The following GAREM1 variants were observed in gnomAD, a reference collection of about 807,000 sequenced individuals.
The protein encoded by GAREM1 is GRB2 associated regulator of MAPK1 subtype 1.
Under a neutral mutation model 71.3 loss-of-function variants are expected in GAREM1, and 26 were observed. That is an observed-to-expected ratio of 0.36 (90% confidence interval 0.27 to 0.51). The LOEUF (loss-of-function observed/expected upper bound fraction) is 0.51. GAREM1 is among the 20% of genes least tolerant of loss of function. The probability of loss-of-function intolerance (pLI) is 0.95; values close to 1 mark genes in which losing one functional copy is unlikely to be tolerated. For synonymous variants in GAREM1, 440 were observed against 433.2 expected (o/e 1.02, Z -0.20); for missense variants, 1,026 against 1,103.1 (o/e 0.93, Z 0.99).
chr18:32,275,095 A>G lies in GAREM1; in HGVS notation c.1567-4712T>C, dbSNP rs146608218. Among the ~76,000 whole-genome samples the G allele has an allele frequency of 1.6e-4, 25 of 152,292 alleles. No homozygotes were observed. The East Asian group carries it at 4.6e-3, about 28-fold the overall frequency. The stretch of plus-strand genomic sequence containing the variant: ...GTGACCCTGAGTCAATCTAGGGGAA[A>G]AAAAGGCACCAGAAGACCTGCCACA... On this transcript the variant is annotated intron_variant, in intron 4 of 5. Transcript: ENST00000269209.
intron 2 of GAREM1, among the ~76,000 whole-genome samples, chr18:32,355,333 A>G (rs2047793742): frequency 6.6e-6 from 1 of 152,212 alleles, no homozygotes; most frequent in East Asian, 1.9e-4. Context: ...GCTGCCTAGA[A>G]CCCTATCTAT....
rs2047001740 is a variant in GAREM1, at chr18:32,285,288, G to A, written c.1566+1743C>T. 2.0e-5 allele frequency among the ~76,000 whole-genome samples: 3 copies of A among 152,310 alleles called. No homozygotes were observed. The South Asian group carries it at 6.2e-4, about 32-fold the overall frequency. ...CAAGCCCTGCAACAGAGGGCCAGAGGTGGGTCCTCTCTCAGGAAAGCTCTG... is the reference window on the plus strand; with the variant it reads ...CAAGCCCTGCAACAGAGGGCCAGAGATGGGTCCTCTCTCAGGAAAGCTCTG... On this transcript the variant is annotated intron_variant, in intron 4 of 5. Coordinates refer to ENST00000269209, the MANE Select transcript of GAREM1 (RefSeq NM_001242409.2).
At chr18:32,314,812 C>T (rs1383799947) in intron 2 of GAREM1, among the ~76,000 whole-genome samples, 2 of 152,076 alleles carry the variant, frequency 1.3e-5, no homozygotes, top group Non-Finnish European at 2.9e-5. Flanking sequence ...TGGTCTCAAA[C>T]TCCTGACCTC....
At position 32,470,375 on chromosome 18, in the gene GAREM1, C is replaced by T; in HGVS notation, c.54G>A (p.Ser18=). 1 of 1,554,120 alleles carries T rather than the reference C, an allele frequency of 6.4e-7. No individual in the cohort carries two copies. The highest frequency in any genetic ancestry group is 1.8e-5 in the Admixed American group (1 of 54,466). The change falls in exon 1 of 6, where the codon TCG becomes TCA. Residue 18 remains serine (S), a synonymous_variant. Transcript: ENST00000269209. This position sits in a 1 kb window ranked among gnomAD's most constrained non-coding sequence, Gnocchi z 4.4. ...GCSLKDVKWS[S]VAVPLDLLVS... ...CCAGGAGGTCGAGCGGCACGGCCACCGAGCTCCACTTCACATCCTTGAGGC... is the reference window on the plus strand; with the variant it reads ...CCAGGAGGTCGAGCGGCACGGCCACTGAGCTCCACTTCACATCCTTGAGGC...
chr18:32,360,062 G>A (rs1257404205), intron 2 of GAREM1, among the ~76,000 whole-genome samples: 1 of 151,982 alleles, frequency 6.6e-6, no homozygotes, highest in Non-Finnish European at 1.5e-5. Context: ...TCCTCATGGA[G>A]ACATTCTCTA....
intron 2 of GAREM1, among the ~76,000 whole-genome samples, chr18:32,368,769 G>A (rs2047950123): frequency 6.6e-6 from 1 of 151,870 alleles, no homozygotes; most frequent in African/African-American, 2.4e-5. Context: ...TCTCACACAC[G>A]CAACATGAAT....
In GAREM1 at chr18:32,390,060, A is replaced by G. The variant is rs150865340; in HGVS notation, c.262+2835T>C. ...CAGGTACAAGCCTGTAGTGCCAGCT[A>G]CTCAAGAGGCTGAGGTGGGAGGATC... On this transcript the variant is annotated intron_variant, in intron 2 of 5. Transcript: ENST00000269209. 2.0e-4 allele frequency among the ~76,000 whole-genome samples: 30 copies of G among 152,284 alleles called. No homozygotes were observed. The East Asian group carries it at 5.6e-3, about 28-fold the overall frequency.
intron 4 of GAREM1, 105 bp from the exon 5 acceptor site, chr18:32,270,488 G>A: frequency 1.1e-6 from 1 of 929,600 alleles, no homozygotes. Flanking sequence ...AACCGTAACA[G>A]CAGGGTGTAA....
At chr18:32,310,415 T>C in intron 2 of GAREM1, 92 bp from the exon 3 acceptor site, 2 of 1,291,186 alleles carry the variant, frequency 1.5e-6, no homozygotes, top group Non-Finnish European at 2.1e-6. Context: ...ACCCCAGCCC[T>C]TTTTTTGTCA....
chr18:32,412,296 T>A, intron 1 of GAREM1: 1 of 1,590,626 alleles, frequency 6.3e-7, no homozygotes, highest in South Asian at 1.1e-5. Flanking sequence ...TGCAAAGTAC[T>A]GGCCTCCACC....
At chr18:32,357,542 C>T (rs369633392) in intron 2 of GAREM1, among the ~76,000 whole-genome samples, 6 of 152,092 alleles carry the variant, frequency 3.9e-5, no homozygotes, top group African/African-American at 1.4e-4. Context: ...GCACAGGACC[C>T]GAAGGGATAG....
At chr18:32,430,983 A>G (rs1260130850) in intron 1 of GAREM1, among the ~76,000 whole-genome samples, 1 of 152,216 alleles carries the variant, frequency 6.6e-6, no homozygotes, top group Non-Finnish European at 1.5e-5. Context: ...AAGGAGTTCA[A>G]CAGAGTGATC....
At chr18:32,411,240 A>C (rs1360721752) in intron 1 of GAREM1, among the ~76,000 whole-genome samples, 1 of 152,226 alleles carries the variant, frequency 6.6e-6, no homozygotes, top group African/African-American at 2.4e-5. Context: ...AATTCAACTA[A>C]CAAAATTAAG....
intron 2 of GAREM1, among the ~76,000 whole-genome samples, chr18:32,328,875 A>G (rs1270964332): frequency 6.6e-6 from 1 of 152,230 alleles, no homozygotes; most frequent in Non-Finnish European, 1.5e-5. Flanking sequence ...GTGACAGAAT[A>G]GAAGATATTT....
At chr18:32,280,569 GC>G (rs1375912695) in intron 4 of GAREM1, among the ~76,000 whole-genome samples, 3 of 152,140 alleles carry the variant, frequency 2.0e-5, no homozygotes, top group Non-Finnish European at 2.9e-5. Flanking sequence ...AAAAGATTAT[GC>G]TATTGGGATC....
chr18:32,358,335 A>C (rs1039218386), intron 2 of GAREM1, among the ~76,000 whole-genome samples: 2 of 151,836 alleles, frequency 1.3e-5, no homozygotes, highest in African/African-American at 4.8e-5. Flanking sequence ...TCATTACAGG[A>C]GGTCAAGTGA....
Position 32,309,706 on chromosome 18 carries a change from T to A in GAREM1, c.393+487A>T, listed in dbSNP as rs543697252. Among the ~76,000 whole-genome samples, 172 of 151,946 alleles carry A rather than the reference T, an allele frequency of 1.1e-3. 1 individual carries two copies. The highest frequency in any genetic ancestry group is 3.4e-3 in the African/African-American group (143 of 41,464). ...GCTTTTCTCTGGGCAATATCAGTTT[T>A]CTCTATATATAGTGAAATAGATAGT... is the stretch of plus-strand genomic sequence containing the variant. On this transcript the variant is annotated intron_variant, in intron 3 of 5. Transcript: ENST00000269209.
intron 1 of GAREM1, among the ~76,000 whole-genome samples, chr18:32,465,067 T>C (rs1181217781): frequency 2.6e-5 from 4 of 152,184 alleles, no homozygotes; most frequent in African/African-American, 4.8e-5. Context: ...GACTATGAAA[T>C]GGCAGTACCT....
intron 2 of GAREM1, among the ~76,000 whole-genome samples, chr18:32,324,547 C>T (rs774489204): frequency 5.9e-5 from 9 of 152,126 alleles, no homozygotes; most frequent in Non-Finnish European, 1.2e-4. Flanking sequence ...TACAGAAACA[C>T]GAATGGTTTC....
Sources: gnomAD v4.1 joint callset for allele counts (sites outside exome capture counted in the v4.1 genomes callset) on GRCh38, gnomAD v4.1.1 for gene constraint, Gnocchi (gnomAD v3.1) non-coding constraint, MANE v1.5 for transcripts, NCBI Gene and HGNC (gene_info 2026-07-23, HGNC 2026-07-21) for gene names.